The following ARHGAP26 variants were observed in gnomAD, a reference collection of about 807,000 sequenced individuals.
The protein encoded by ARHGAP26 is rho GTPase-activating protein 26.
In ARHGAP26, 38 loss-of-function variants were observed where a neutral mutation model predicts 104.8. The ratio of observed to expected loss-of-function variants is 0.36; its 90% CI spans 0.28 to 0.48. ARHGAP26 has a LOEUF of 0.48. Among genes scored for constraint, ARHGAP26 ranks in the 20% least tolerant of loss-of-function variants. The pLI, the probability that ARHGAP26 is intolerant of heterozygous loss-of-function variation, is 0.99. For missense variants in ARHGAP26, 704 were observed against 947.9 expected (o/e 0.74, Z 3.38); for synonymous variants, 341 against 340.0 (o/e 1.00, Z -0.03).
intron 1 of ARHGAP26, among the ~76,000 whole-genome samples, chr5:142,848,879 GCC>G (rs1561945685): frequency 6.6e-6 from 1 of 152,150 alleles, no homozygotes. Context: ...TTTCTTTCCC[GCC>G]TACTTGGTTT....
intron 20 of ARHGAP26, among the ~76,000 whole-genome samples, chr5:143,191,903 A>T (rs551116645): frequency 6.6e-6 from 1 of 152,342 alleles, no homozygotes; most frequent in South Asian, 2.1e-4. Flanking sequence ...AGCTGTCGTG[A>T]CAACACCAGA....
chr5:143,213,923 G>A, intron 21 of ARHGAP26, 74 bp from the exon 22 acceptor site: 1 of 1,006,430 alleles, frequency 9.9e-7, no homozygotes, highest in Non-Finnish European at 1.5e-6. Flanking sequence ...GGAAAGGGAA[G>A]AAGAGAGATG....
In ARHGAP26 at chr5:143,100,890, C is replaced by T. The variant is rs554973212; in HGVS notation, c.1539-20098C>T. 1.6e-3 allele frequency among the ~76,000 whole-genome samples: 245 copies of T among 152,150 alleles called. 2 individuals are homozygous for T. The highest frequency in any genetic ancestry group is 3.4e-3 in the Middle Eastern group (1 of 294). The stretch of plus-strand genomic sequence containing the variant: ...AGGATCACTTAAGGTCAAGAGTTCG[C>T]GACCAGCCTGGCCAACATGGCGAAA... On this transcript the variant is annotated intron_variant, in intron 17 of 22. Coordinates refer to ENST00000645722, the MANE Select transcript of ARHGAP26 (RefSeq NM_001135608.3).
chr5:143,027,553 A>G (rs981323132), intron 12 of ARHGAP26, among the ~76,000 whole-genome samples: 2 of 151,692 alleles, frequency 1.3e-5, no homozygotes, highest in African/African-American at 4.8e-5. Flanking sequence ...CAATTCATCC[A>G]TTTTTTACCT....
chr5:143,108,708 T>C (rs1286656650), intron 17 of ARHGAP26, among the ~76,000 whole-genome samples: 3 of 152,216 alleles, frequency 2.0e-5, no homozygotes, highest in African/African-American at 7.2e-5. Flanking sequence ...CAAAAGGAGA[T>C]AGGTTACCTA....
chr5:142,827,900 T>C (rs1043748601), intron 1 of ARHGAP26, among the ~76,000 whole-genome samples: 2 of 152,218 alleles, frequency 1.3e-5, no homozygotes, highest in Non-Finnish European at 2.9e-5. Context: ...ATCCGGGAAG[T>C]GTAGATACTG....
At chr5:143,169,809 C>T (rs749547544) in intron 20 of ARHGAP26, 1 of 152,096 alleles carries the variant, frequency 6.6e-6, no homozygotes, top group African/African-American at 2.4e-5. Flanking sequence ...ATGGGGACTT[C>T]GTGAAGGATT....
chr5:142,907,649 A>G, intron 8 of ARHGAP26, 55 bp from the exon 9 acceptor site: 2 of 1,228,100 alleles, frequency 1.6e-6, no homozygotes, highest in Non-Finnish European at 1.2e-6. Context: ...CCAGCTCATG[A>G]TGTATAGCAT....
intron 11 of ARHGAP26, among the ~76,000 whole-genome samples, chr5:143,011,604 C>T (rs1160367225): frequency 6.6e-6 from 1 of 152,172 alleles, no homozygotes; most frequent in Non-Finnish European, 1.5e-5. Context: ...TCAATAGCCA[C>T]ATGAGTAAAA....
intron 12 of ARHGAP26, among the ~76,000 whole-genome samples, chr5:143,028,532 A>C (rs1187849645): frequency 3.3e-5 from 5 of 152,232 alleles, no homozygotes; most frequent in Non-Finnish European, 7.3e-5. Context: ...TTCAAATATT[A>C]GGATATAGTA....
At chr5:142,799,866 T>C (rs1338758021) in intron 1 of ARHGAP26, among the ~76,000 whole-genome samples, 1 of 152,234 alleles carries the variant, frequency 6.6e-6, no homozygotes, top group African/African-American at 2.4e-5. Context: ...CCCACCTCTT[T>C]GTACTGTTAG....
chr5:143,012,954 G>A (rs946914853), intron 11 of ARHGAP26, among the ~76,000 whole-genome samples: 2 of 151,790 alleles, frequency 1.3e-5, no homozygotes, highest in African/African-American at 4.8e-5. Context: ...GTGCCTGGCC[G>A]ATTTTTTTCT....
At chr5:142,969,080 C>T (rs1442589587) in intron 11 of ARHGAP26, among the ~76,000 whole-genome samples, 1 of 152,170 alleles carries the variant, frequency 6.6e-6, no homozygotes, top group Non-Finnish European at 1.5e-5. Context: ...CACAGGTGTG[C>T]ACCACCATAC....
At chr5:142,793,093 G>C (rs933575543) in intron 1 of ARHGAP26, among the ~76,000 whole-genome samples, 1 of 151,960 alleles carries the variant, frequency 6.6e-6, no homozygotes, top group South Asian at 2.1e-4. Flanking sequence ...TCCTGCCCTC[G>C]AGTAGTGGGA....
intron 11 of ARHGAP26, among the ~76,000 whole-genome samples, chr5:143,002,025 C>A (rs1263630328): frequency 6.6e-6 from 1 of 152,296 alleles, no homozygotes; most frequent in Non-Finnish European, 1.5e-5. Flanking sequence ...CATTCACCTT[C>A]TGCCTCTCCA....
chr5:142,992,058 C>CT (rs5871832), intron 11 of ARHGAP26, among the ~76,000 whole-genome samples: 150,978 of 151,872 alleles, frequency 0.99, 75,044 homozygotes, highest in Middle Eastern at 1. Context: ...ATAATTAGGA[C>CT]TTTTTTTTGT....
At chr5:143,062,743 G>C (rs1377401044) in intron 17 of ARHGAP26, among the ~76,000 whole-genome samples, 3 of 151,962 alleles carry the variant, frequency 2.0e-5, no homozygotes, top group Non-Finnish European at 4.4e-5. Context: ...TCTTAAGAAG[G>C]GTTCAAAATA....
intron 21 of ARHGAP26, among the ~76,000 whole-genome samples, chr5:143,210,260 A>C (rs1416409323): frequency 2.0e-5 from 3 of 152,168 alleles, no homozygotes; most frequent in Non-Finnish European, 4.4e-5. Flanking sequence ...CGGCAGGCAA[A>C]AAGAGAGTTT....
At chr5:143,147,508 A>C in intron 20 of ARHGAP26, 127 bp downstream of exon 20, 3 of 1,105,804 alleles carry the variant, frequency 2.7e-6, no homozygotes, top group Non-Finnish European at 3.8e-6. Flanking sequence ...CTCCTCCCTA[A>C]ACTGGGAGCT....
Sources: allele counts gnomAD v4.1 joint callset (sites outside exome capture counted in the v4.1 genomes callset), GRCh38; gene constraint gnomAD v4.1.1; transcripts MANE v1.5; gene names NCBI Gene and HGNC (gene_info 2026-07-23, HGNC 2026-07-21).